The following DPYSL4 variants were observed in gnomAD, a reference collection of about 807,000 sequenced individuals.
The protein encoded by DPYSL4 is dihydropyrimidinase like 4.
In DPYSL4, 43 loss-of-function variants were observed where a neutral mutation model predicts 63.4. The ratio of observed to expected loss-of-function variants is 0.68; its 90% CI spans 0.53 to 0.88. DPYSL4 has a LOEUF of 0.88. Among genes scored for constraint, DPYSL4 ranks in the 40% least tolerant of loss-of-function variants. The pLI, the probability that DPYSL4 is intolerant of heterozygous loss-of-function variation, is 0.00. For synonymous variants in DPYSL4, 353 were observed against 331.7 expected (o/e 1.06, Z -0.70); for missense variants, 733 against 819.5 (o/e 0.89, Z 1.29).
intron 4 of DPYSL4, among the ~76,000 whole-genome samples, chr10:132,196,187 T>C (rs1366272406): frequency 1.3e-5 from 2 of 152,136 alleles, no homozygotes; most frequent in Admixed American, 1.3e-4. Flanking sequence ...GATGGGAGGT[T>C]GGGATCCTGC....
chr10:132,200,803 C>G (rs1288269867), intron 9 of DPYSL4, 39 bp from the exon 10 acceptor site: 1 of 1,599,374 alleles, frequency 6.3e-7, no homozygotes, highest in Admixed American at 1.7e-5. Flanking sequence ...TCTGCCGGCT[C>G]AGGAAGGCCA....
At chr10:132,190,097 G>A (rs2061853732) in intron 1 of DPYSL4, among the ~76,000 whole-genome samples, 1 of 152,266 alleles carries the variant, frequency 6.6e-6, no homozygotes, top group Admixed American at 6.5e-5. Context: ...CCTTCTCCCA[G>A]CCCCTCTCTC....
rs771945241 is a variant in DPYSL4, at chr10:132,205,049, G to A, written c.*119G>A. On this transcript the variant is annotated 3_prime_UTR_variant, in exon 14 of 14. Transcript: ENST00000338492. The stretch of plus-strand genomic sequence containing the variant: ...AGAAGTTTCTCGAAGGTGCTTGGCG[G>A]TCTTGCCTTCCCCCTCCCCACAGGC... The A allele has an allele frequency of 1.3e-6, 1 of 768,674 alleles. No homozygotes were observed. Among genetic ancestry groups the A allele is most frequent in the Non-Finnish European group, 2.0e-6 (1 of 508,546 alleles). 47.6% of individuals were successfully genotyped at this position (768,674 alleles called of 1,614,324 possible). A position where few individuals can be genotyped will look rare whatever the true frequency, so the allele number is the denominator to read the frequency against.
intron 8 of DPYSL4, among the ~76,000 whole-genome samples, chr10:132,200,062 G>A (rs1165023603): frequency 2.0e-5 from 3 of 152,182 alleles, no homozygotes; most frequent in Non-Finnish European, 4.4e-5. Context: ...CCACAGGCAC[G>A]CCCTGGCCCC....
chr10:132,202,697 G>A lies in DPYSL4; in HGVS notation c.1333G>A (p.Val445Met), dbSNP rs1029872109. Reference protein sequence around the residue: ...EGVECRGAPAVVISQGRVALE... With the variant: ...EGVECRGAPAMVISQGRVALE... ...AGTGGAGTGCCGGGGAGCGCCTGCCGTGGTCATAAGTCAGGGCCGAGTGGC... is the reference window on the plus strand; with the variant it reads ...AGTGGAGTGCCGGGGAGCGCCTGCCATGGTCATAAGTCAGGGCCGAGTGGC... Residue 445 changes from valine to methionine, a missense_variant, in exon 12 of 14, where the codon GTG (valine) becomes ATG (methionine). By Grantham distance (21) the Val-to-Met change is conservative. Transcript: ENST00000338492. 1.5e-5 allele frequency: 25 copies of A among 1,613,298 alleles called. No homozygotes were observed. Among genetic ancestry groups the A allele is most frequent in the Admixed American group, 1.0e-4 (6 of 59,994 alleles).
chr10:132,204,494 C>A (rs2062067302), intron 13 of DPYSL4, among the ~76,000 whole-genome samples: 1 of 152,172 alleles, frequency 6.6e-6, no homozygotes, highest in Non-Finnish European at 1.5e-5. Context: ...TCCCTGAGAA[C>A]CCGGCACTGT....
chr10:132,201,815 CGTCT>C, intron 10 of DPYSL4, 127 bp from the exon 11 acceptor site: 1 of 989,780 alleles, frequency 1.0e-6, no homozygotes. Flanking sequence ...GGTGGTCCAG[CGTCT>C]GTCCTCACGG....
Position 132,190,791 on chromosome 10 carries a change from C to G in DPYSL4, c.84C>G (p.Asp28Glu), listed in dbSNP as rs1677671946. 1 of 1,613,874 alleles carries G rather than the reference C, an allele frequency of 6.2e-7. No homozygotes were observed. The highest frequency in any genetic ancestry group is 1.3e-5 in the African/African-American group (1 of 75,084). ...LIRGGRIVND[D>E]QSFYADVHVE... ...GAGGTGGGAGGATCGTGAATGACGA[C>G]CAGTCCTTTTACGCTGATGTGCACG... Residue 28 changes from aspartate (D) to glutamate (E), a missense_variant, in exon 2 of 14, where the codon GAC becomes GAG. Coordinates refer to ENST00000338492, the MANE Select transcript of DPYSL4 (RefSeq NM_006426.3).
chr10:132,193,413 C>T (rs914030981), intron 3 of DPYSL4, among the ~76,000 whole-genome samples: 1 of 152,276 alleles, frequency 6.6e-6, no homozygotes, highest in Non-Finnish European at 1.5e-5. Flanking sequence ...ACATGCTCTC[C>T]TCCTAAAACC....
At position 132,186,976 on chromosome 10, in the gene DPYSL4, C is replaced by G. The variant is rs2061798422; in HGVS notation, c.-88C>G. 2.1e-5 allele frequency: 13 copies of G among 628,744 alleles called. No homozygotes were observed. In the South Asian group the frequency reaches 2.7e-4, roughly 13 times the overall value. The allele number at this position is 628,744 out of a possible 1,614,324, so 38.9% of individuals were successfully genotyped here. On this transcript the variant is annotated 5_prime_UTR_variant, in exon 1 of 14. Coordinates refer to ENST00000338492, the MANE Select transcript of DPYSL4 (RefSeq NM_006426.3). ...GTCTGTCTCCCGCCGTCCCCACGCA[C>G]GCGTCCCGGCTCACGCGTCCCCCCG...
intron 1 of DPYSL4, 36 bp from the exon 2 acceptor site, chr10:132,190,711 G>T (rs557199623): frequency 2.9e-5 from 46 of 1,594,798 alleles, no homozygotes; most frequent in Non-Finnish European, 4.0e-5. Context: ...GAGTAACTCA[G>T]TTTGGAGAAA....
intron 8 of DPYSL4, among the ~76,000 whole-genome samples, chr10:132,199,319 T>C (rs938627688): frequency 2.0e-5 from 3 of 152,184 alleles, no homozygotes; most frequent in African/African-American, 7.2e-5. Context: ...CCTACATTGC[T>C]ATTTGCTGTG....
At position 132,200,837 on chromosome 10, in the gene DPYSL4, T is replaced by A. The variant is rs1565045256; in HGVS notation, c.969-5T>A. 6.2e-7 allele frequency: 1 copy of A among 1,611,670 alleles called. No homozygotes were observed. The highest frequency in any genetic ancestry group is 1.7e-5 in the Admixed American group (1 of 59,948). On this transcript the variant is annotated splice_polypyrimidine_tract_variant and splice_region_variant and intron_variant, in intron 9 of 13. Transcript: ENST00000338492. ...CAGGACCCTCTGACCCTGGCTTGTT[T>A]CCAGCGGGGACCTCCAGGTGACAGG...
chr10:132,199,247 G>T (rs2061982125), intron 8 of DPYSL4, among the ~76,000 whole-genome samples: 1 of 152,176 alleles, frequency 6.6e-6, no homozygotes, highest in Non-Finnish European at 1.5e-5. Flanking sequence ...GTGGGTGTGG[G>T]GAGAATGGAA....
Position 132,192,688 on chromosome 10 carries a change from G to C in DPYSL4, c.159G>C (p.Gly53=), listed in dbSNP as rs940930336. 1 of 1,612,242 alleles carries C rather than the reference G, an allele frequency of 6.2e-7. No homozygotes were observed. The highest frequency in any genetic ancestry group is 2.2e-5 in the East Asian group (1 of 44,838). ...TCGGAGAAAACCTCATCGTCCCTGG[G>C]GGCATCAAGACCATTGACGCCCACG... is the stretch of plus-strand genomic sequence containing the variant. ...KQIGENLIVP[G]GIKTIDAHGL... Residue 53 remains glycine, a synonymous_variant, in exon 3 of 14, where the codon GGG becomes GGC. Coordinates refer to ENST00000338492, the MANE Select transcript of DPYSL4 (RefSeq NM_006426.3).
intron 6 of DPYSL4, 116 bp from the exon 7 acceptor site, chr10:132,198,299 G>T (rs1319266506): frequency 2.2e-6 from 2 of 920,580 alleles, no homozygotes; most frequent in East Asian, 5.3e-5. Context: ...GGAAATTCTG[G>T]GAGGCCTGGG....
At chr10:132,191,566 T>G (rs2814160) in intron 2 of DPYSL4, among the ~76,000 whole-genome samples, 3,163 of 14,714 alleles carry the variant, frequency 0.21, 692 homozygotes, top group Admixed American at 0.34. Context: ...CCAGGCAGGT[T>G]AAAGTATGTT....
At chr10:132,202,190 G>A in intron 11 of DPYSL4, 74 bp downstream of exon 11, 1 of 1,541,030 alleles carries the variant, frequency 6.5e-7, no homozygotes, top group South Asian at 1.2e-5. Context: ...CCCAGGAGAG[G>A]CGCAGGACAG....
chr10:132,194,951 C>T lies in DPYSL4; in HGVS notation c.420C>T (p.Asp140=). Residue 140 remains aspartate, a synonymous_variant, in exon 4 of 14, where the codon GAC becomes GAT. Transcript: ENST00000338492. ...GCTGCGACTACTCCCTGCACGTGGA[C>T]ATCACCCGATGGCATGAGAGCATCA... ...AACCDYSLHV[D]ITRWHESIKE... is the part of the protein sequence containing the mutation. 6.2e-7 allele frequency: 1 copy of T among 1,611,446 alleles called. No individual in the cohort carries two copies. The highest frequency in any genetic ancestry group is 8.5e-7 in the Non-Finnish European group (1 of 1,179,868).
Sources: gnomAD v4.1 joint callset for allele counts (sites outside exome capture counted in the v4.1 genomes callset) on GRCh38, gnomAD v4.1.1 for gene constraint, MANE v1.5 for transcripts, NCBI Gene and HGNC (gene_info 2026-07-23, HGNC 2026-07-21) for gene names.